The following GCSAML variants were observed in gnomAD, a reference collection of about 807,000 sequenced individuals.
The protein encoded by GCSAML is germinal center associated signaling and motility like.
In GCSAML, 9 loss-of-function variants were observed where a neutral mutation model predicts 13.0. The observed-to-expected ratio is 0.69, with a 90% CI of 0.42 to 1.21. The LOEUF is 1.21. Among genes scored for constraint, GCSAML ranks in the 50% most tolerant of loss-of-function variants. The pLI is 0.00. For synonymous variants in GCSAML, 37 were observed against 52.9 expected, an observed-to-expected ratio of 0.70 and a Z score of 1.31; for missense variants, 143 against 153.4, an observed-to-expected ratio of 0.93 and a Z score of 0.36.
At chr1:247,572,421 G>A (rs371394571) in intron 4 of GCSAML, among the ~76,000 whole-genome samples, 16 of 152,102 alleles carry the variant, frequency 1.1e-4, no homozygotes, top group African/African-American at 3.9e-4. Flanking sequence ...TGACGCTATT[G>A]CTTTCTGTTT....
chr1:247,543,474 C>T (rs1159020332), intron 2 of GCSAML, among the ~76,000 whole-genome samples: 1 of 152,120 alleles, frequency 6.6e-6, no homozygotes, highest in African/African-American at 2.4e-5. Flanking sequence ...TACAGGGTTC[C>T]GTAGTATCCA....
chr1:247,532,662 G>C (rs140172211), intron 2 of GCSAML: 7 of 743,216 alleles, frequency 9.4e-6, no homozygotes, highest in East Asian at 5.4e-5. Flanking sequence ...CAATTTCACT[G>C]TGTTGCCCGG....
At chr1:247,538,189 AC>A (rs1667287630) in intron 2 of GCSAML, among the ~76,000 whole-genome samples, 1 of 152,176 alleles carries the variant, frequency 6.6e-6, no homozygotes, top group African/African-American at 2.4e-5. Context: ...GTAGGGTCCA[AC>A]TTCATTCTTT....
intron 1 of GCSAML, among the ~76,000 whole-genome samples, chr1:247,517,027 C>G (rs1319655477): frequency 6.6e-6 from 1 of 152,162 alleles, no homozygotes; most frequent in Non-Finnish European, 1.5e-5. Context: ...TTCTGCTTAA[C>G]TGATCTCTGG....
intron 1 of GCSAML, 71 bp downstream of exon 1, chr1:247,549,291 C>T: frequency 2.3e-6 from 3 of 1,305,448 alleles, no homozygotes; most frequent in Non-Finnish European, 3.3e-6. Flanking sequence ...GGACATAACG[C>T]ATTTGTAATG....
rs140921660 is a variant in GCSAML, at chr1:247,520,597, C to G, written c.-262-6343C>G. 2.8e-3 allele frequency among the ~76,000 whole-genome samples: 432 copies of G among 152,234 alleles called. 3 individuals are homozygous for G. Among genetic ancestry groups the G allele is most frequent in the African/African-American group, 0.01 (416 of 41,534 alleles). On this transcript the variant is annotated intron_variant, in intron 1 of 5. Transcript: ENST00000366489. The stretch of plus-strand genomic sequence containing the variant: ...GGAGACCCCTAATACAGTTGTACTA[C>G]AAACTTCCCAGAAGTTATATAAAAT...
At chr1:247,541,875 T>C (rs1434663016) in intron 2 of GCSAML, among the ~76,000 whole-genome samples, 1 of 151,836 alleles carries the variant, frequency 6.6e-6, no homozygotes, top group Non-Finnish European at 1.5e-5. Context: ...CCAGGCATGG[T>C]GGTGCGTGCC....
chr1:247,524,710 T>C (rs192184922), intron 1 of GCSAML: 11 of 152,190 alleles, frequency 7.2e-5, no homozygotes, highest in Non-Finnish European at 1.5e-4. Context: ...ATTTAATACA[T>C]ATAACATTTA....
In GCSAML at chr1:247,521,003, C is replaced by T. The variant is rs144645497; in HGVS notation, c.-262-5937C>T. On this transcript the variant is annotated intron_variant, in intron 1 of 5. Coordinates refer to the GCSAML transcript ENST00000366489. ...GTACTAGACATTGCCTCTGGCACTA[C>T]ACCACATGCATTTAGTGTGGGCCTA... Among the ~76,000 whole-genome samples, 545 of 152,304 alleles carry T rather than the reference C, an allele frequency of 3.6e-3. 3 individuals carry two copies. The Middle Eastern group carries it at 0.037, about 10-fold the overall frequency.
chr1:247,513,115 C>T (rs1666098855), intron 1 of GCSAML, among the ~76,000 whole-genome samples: 1 of 152,190 alleles, frequency 6.6e-6, no homozygotes, highest in Admixed American at 6.5e-5. Flanking sequence ...CCATAGCCGC[C>T]CCTTCCCCCA....
chr1:247,565,634 T>G, intron 3 of GCSAML: 2 of 295,534 alleles, frequency 6.8e-6, no homozygotes, highest in Non-Finnish European at 1.2e-5. Context: ...TTTATGAACA[T>G]TTTATTACCA....
intron 2 of GCSAML, chr1:247,531,479 G>C: frequency 6.7e-7 from 1 of 1,492,224 alleles, no homozygotes; most frequent in Non-Finnish European, 9.1e-7. Flanking sequence ...GACATCCCAA[G>C]TGCCCTGTCT....
chr1:247,534,926 G>T (rs1667156504), intron 2 of GCSAML, among the ~76,000 whole-genome samples: 2 of 152,176 alleles, frequency 1.3e-5, no homozygotes, highest in African/African-American at 4.8e-5. Context: ...TCAGAATACT[G>T]AGACAATCAT....
At chr1:247,563,033 A>G (rs182981866) in intron 2 of GCSAML, among the ~76,000 whole-genome samples, 23 of 139,294 alleles carry the variant, frequency 1.7e-4, no homozygotes, top group African/African-American at 5.9e-4. Context: ...GTATTTTAGT[A>G]GAGACGGGGT....
intron 1 of GCSAML, among the ~76,000 whole-genome samples, chr1:247,519,726 T>C (rs1038072311): frequency 2.6e-5 from 4 of 152,244 alleles, no homozygotes; most frequent in African/African-American, 9.6e-5. Context: ...TACACCGATA[T>C]AAAAGTTTGA....
rs371001681 is a variant in GCSAML at position 247,575,831 on chromosome 1, C to G, written c.*1449C>G. The G allele has an allele frequency of 6.6e-6, 1 of 152,142 alleles. No individual in the cohort carries two copies. Among genetic ancestry groups the G allele is most frequent in the Non-Finnish European group, 1.5e-5 (1 of 68,010 alleles). The allele number at this position is 152,142 out of a possible 1,614,324, so 9.4% of individuals were successfully genotyped here. Reference sequence around the variant, plus strand: ...GTAGTTTCTGGTTTTAAAATTCAAGCAAACTGGAAAATAATCCATCTAATT... The same window carrying G: ...GTAGTTTCTGGTTTTAAAATTCAAGGAAACTGGAAAATAATCCATCTAATT... On this transcript the variant is annotated 3_prime_UTR_variant, in exon 5 of 5. Coordinates refer to ENST00000366488, the MANE Select transcript of GCSAML (RefSeq NM_145278.5).
At chr1:247,537,813 T>C (rs1667274166) in intron 2 of GCSAML, among the ~76,000 whole-genome samples, 1 of 152,188 alleles carries the variant, frequency 6.6e-6, no homozygotes, top group Admixed American at 6.5e-5. Context: ...GAAAAATGTC[T>C]ATTCAAGTCT....
intron 2 of GCSAML, among the ~76,000 whole-genome samples, chr1:247,535,128 C>T (rs149075592): frequency 3.3e-5 from 5 of 152,094 alleles, no homozygotes; most frequent in Admixed American, 6.6e-5. Context: ...GCTTGGGCAA[C>T]ATAGTGAGAG....
chr1:247,574,860 G>A lies in GCSAML; in HGVS notation c.*478G>A, dbSNP rs190347886. On this transcript the variant is annotated 3_prime_UTR_variant, in exon 5 of 5. Transcript: ENST00000366488. The stretch of plus-strand genomic sequence containing the variant: ...GATGAGTCATAAGACTGATGAAATA[G>A]ACTGATTGTGGCAATAAGAGTCCCA... The A allele has an allele frequency of 6.0e-6, 1 of 165,500 alleles. No individual in the cohort carries two copies. Among genetic ancestry groups the A allele is most frequent in the East Asian group, 1.7e-4 (1 of 5,984 alleles). The allele number at this position is 165,500 out of a possible 1,614,324, so 10.3% of individuals were successfully genotyped here.
Sources: gnomAD v4.1 joint callset for allele counts (sites outside exome capture counted in the v4.1 genomes callset) on GRCh38, gnomAD v4.1.1 for gene constraint, MANE v1.5 for transcripts, NCBI Gene and HGNC (gene_info 2026-07-23, HGNC 2026-07-21) for gene names.